Variants in SOX6 observed in about 807,000 individuals in gnomAD.
The protein encoded by SOX6 is SRY-box transcription factor 6, also known as transcription factor SOX-6.
Under a neutral mutation model 97.8 loss-of-function variants are expected in SOX6, and 11 were observed. The observed-to-expected ratio is 0.11, with a 90% CI of 0.07 to 0.19. The LOEUF (loss-of-function observed/expected upper bound fraction) is 0.19, where lower values mean the gene tolerates loss of function less well. Ranked by LOEUF, SOX6 falls within the 10% of genes least tolerant of loss-of-function variation. The probability of loss-of-function intolerance (pLI) is 1.00; values close to 1 mark genes in which losing one functional copy is unlikely to be tolerated. For missense variants in SOX6, 810 were observed against 1,039.5 expected, an observed-to-expected ratio of 0.78 and a Z score of 3.04; for synonymous variants, 360 against 371.4, an observed-to-expected ratio of 0.97 and a Z score of 0.35.
At chr11:16,680,289 G>C (rs998797341) in intron 3 of SOX6, among the ~76,000 whole-genome samples, 1 of 152,168 alleles carries the variant, frequency 6.6e-6, no homozygotes, top group Non-Finnish European at 1.5e-5. Flanking sequence ...CCAGAAGAGA[G>C]TGGGGGCCAA....
At chr11:16,294,788 T>C (rs912481055) in intron 3 of SOX6, among the ~76,000 whole-genome samples, 1 of 152,108 alleles carries the variant, frequency 6.6e-6, no homozygotes, top group Non-Finnish European at 1.5e-5. Context: ...TATTAATGTC[T>C]TCTGAATTGT....
chr11:16,142,895 G>T lies in SOX6; in HGVS notation c.778-30972C>A, dbSNP rs958420918. The stretch of plus-strand genomic sequence containing the variant: ...TCTGATTGGTATACCTGAAAGTGAT[G>T]GGGAGAATGGAACCAAGTTGGAAAA... On this transcript the variant is annotated intron_variant, in intron 6 of 15. Transcript: ENST00000683767. Among the ~76,000 whole-genome samples, 4 of 152,042 alleles carry T rather than the reference G, an allele frequency of 2.6e-5. No individual in the cohort carries two copies. In the East Asian group the frequency reaches 7.7e-4, roughly 29 times the overall value.
At chr11:16,460,288 C>A (rs1019835081) in intron 1 of SOX6, among the ~76,000 whole-genome samples, 1 of 151,850 alleles carries the variant, frequency 6.6e-6, no homozygotes, top group Non-Finnish European at 1.5e-5. Context: ...GTATCAGTAG[C>A]CTTTTGCTCC....
intron 4 of SOX6, among the ~76,000 whole-genome samples, chr11:16,492,381 C>T (rs1329393644): frequency 6.6e-6 from 1 of 152,158 alleles, no homozygotes; most frequent in Admixed American, 6.5e-5. Flanking sequence ...GAACATTCTG[C>T]CACCTTCTGC....
intron 3 of SOX6, among the ~76,000 whole-genome samples, chr11:16,689,900 T>G (rs1242657143): frequency 6.6e-6 from 1 of 151,958 alleles, no homozygotes; most frequent in Non-Finnish European, 1.5e-5. Context: ...TCACCAAGGT[T>G]ATAATCAATT....
At chr11:16,566,309 C>A (rs1847873815) in intron 4 of SOX6, among the ~76,000 whole-genome samples, 1 of 152,170 alleles carries the variant, frequency 6.6e-6, no homozygotes, top group South Asian at 2.1e-4. Flanking sequence ...TTAGGCTCAT[C>A]TTCAAAGTAA....
chr11:16,526,458 G>A (rs1861166666), intron 4 of SOX6, among the ~76,000 whole-genome samples: 1 of 150,734 alleles, frequency 6.6e-6, no homozygotes, highest in African/African-American at 2.5e-5. Flanking sequence ...ACAGGAAGGG[G>A]AACATCACAC....
intron 1 of SOX6, among the ~76,000 whole-genome samples, chr11:16,457,552 CAGATGAAGGAATT>C (rs1859832481): frequency 6.6e-6 from 1 of 152,032 alleles, no homozygotes; most frequent in South Asian, 2.1e-4. Flanking sequence ...ACCCATTTAA[CAGATGAAGGAATT>C]GTGACTCAGG....
chr11:16,120,204 T>A (rs1849453799), intron 6 of SOX6, among the ~76,000 whole-genome samples: 1 of 114,458 alleles, frequency 8.7e-6, no homozygotes. Flanking sequence ...TCACTCCCCC[T>A]CCTGCTCTCT....
chr11:16,318,293 T>G (rs1855810560), intron 3 of SOX6, 153 bp downstream of exon 3: 1 of 732,914 alleles, frequency 1.4e-6, no homozygotes, highest in Non-Finnish European at 2.3e-6. Flanking sequence ...GATCAAAATC[T>G]GCCATCACCA....
At chr11:16,710,908 A>G (rs1390032024) in intron 3 of SOX6, among the ~76,000 whole-genome samples, 2 of 152,130 alleles carry the variant, frequency 1.3e-5, no homozygotes, top group Admixed American at 1.3e-4. Context: ...TACCCACCCA[A>G]ATCTGTCTGT....
intron 1 of SOX6, among the ~76,000 whole-genome samples, chr11:16,370,037 C>CTCTCAGTGATTA (rs1857461536): frequency 6.6e-6 from 1 of 152,094 alleles, no homozygotes; most frequent in African/African-American, 2.4e-5. Flanking sequence ...CACCAGCTGG[C>CTCTCAGTGATTA]CACCATCCTC....
chr11:16,710,323 A>G (rs1045179029), intron 3 of SOX6, among the ~76,000 whole-genome samples: 6 of 152,218 alleles, frequency 3.9e-5, no homozygotes, highest in Non-Finnish European at 7.3e-5. Flanking sequence ...TAATCCTTAG[A>G]ATAACCCCAC....
chr11:16,089,299 C>T (rs1590189090), intron 9 of SOX6, among the ~76,000 whole-genome samples: 5 of 152,124 alleles, frequency 3.3e-5, no homozygotes, highest in Middle Eastern at 3.4e-3. Flanking sequence ...GGGGGGAAAG[C>T]GTTAAATTAG....
intron 3 of SOX6, among the ~76,000 whole-genome samples, chr11:16,672,095 T>A (rs949725713): frequency 2.0e-5 from 3 of 152,134 alleles, no homozygotes; most frequent in African/African-American, 7.2e-5. Context: ...GATAAGCAAA[T>A]GTTGAGGGAG....
intron 6 of SOX6, among the ~76,000 whole-genome samples, chr11:16,148,339 C>G (rs1850368861): frequency 6.6e-6 from 1 of 152,124 alleles, no homozygotes; most frequent in Non-Finnish European, 1.5e-5. Context: ...TGCCTCCCAG[C>G]TGCTGTGACT....
intron 4 of SOX6, among the ~76,000 whole-genome samples, chr11:16,496,025 CA>C (rs1386738598): frequency 1.9e-4 from 29 of 152,172 alleles, no homozygotes; most frequent in Admixed American, 1.8e-3. Flanking sequence ...TGCATGTACC[CA>C]GGATCAAAGC....
chr11:16,218,565 T>A (rs11023876), intron 4 of SOX6, among the ~76,000 whole-genome samples: 11,027 of 152,164 alleles, frequency 0.072, 419 homozygotes, highest in African/African-American at 0.084. Context: ...CCTGTTGTGA[T>A]GGAAGCCTAG....
intron 9 of SOX6, among the ~76,000 whole-genome samples, chr11:16,058,681 G>A (rs1183919713): frequency 6.6e-6 from 1 of 151,972 alleles, no homozygotes; most frequent in East Asian, 1.9e-4. Flanking sequence ...CATGAGCCAA[G>A]CAAGAGAAGG....
Sources: allele counts gnomAD v4.1 joint callset (sites outside exome capture counted in the v4.1 genomes callset), GRCh38; gene constraint gnomAD v4.1.1; transcripts MANE v1.5; gene names NCBI Gene and HGNC (gene_info 2026-07-23, HGNC 2026-07-21).